The following AGMO variants were observed in gnomAD, a reference collection of about 807,000 sequenced individuals.
AGMO encodes the protein glyceryl-ether monooxygenase.
A neutral mutation model predicts 60.2 loss-of-function variants in AGMO; 75 were observed. The observed-to-expected ratio is 1.25, with a 90% confidence interval of 1.03 to 1.51. AGMO has a LOEUF of 1.51. Ranked by LOEUF, AGMO falls within the 40% of genes most tolerant of loss-of-function variation. The probability of loss-of-function intolerance (pLI) is 0.00; values close to 1 mark genes in which losing one functional copy is unlikely to be tolerated. For synonymous variants in AGMO, 261 were observed against 177.1 expected, an observed-to-expected ratio of 1.47 and a Z score of -3.76; for missense variants, 763 against 525.5, an observed-to-expected ratio of 1.45 and a Z score of -4.42.
At chr7:15,210,476 C>G (rs1044317727) in intron 12 of AGMO, among the ~76,000 whole-genome samples, 2 of 152,030 alleles carry the variant, frequency 1.3e-5, no homozygotes, top group African/African-American at 2.4e-5. Flanking sequence ...TATTTGGAAA[C>G]TGAAATTTTA....
At chr7:15,146,575 T>C in the AGMO span, among the ~76,000 whole-genome samples, 1 of 152,156 alleles carries the variant, frequency 6.6e-6, no homozygotes, top group Admixed American at 6.5e-5. Context: ...TAATTATGTA[T>C]GTTAGTTGTC....
rs1186632664 is a variant in AGMO at position 15,354,379 on chromosome 7, T to TATAGACGTGTGTATATAGACGTGTGTAC, written c.1263+11134_1263+11135insGTACACACGTCTATATACACACGTCTAT. Among the ~76,000 whole-genome samples, 20 of 54,396 alleles carry TATAGACGTGTGTATATAGACGTGTGTAC rather than the reference T, an allele frequency of 3.7e-4. 4 individuals carry two copies. The highest frequency in any genetic ancestry group is 2.6e-3 in the African/African-American group (20 of 7,744). The allele number at this position is 54,396 out of a possible 152,430, so 35.7% of individuals were successfully genotyped here. On this transcript the variant is annotated intron_variant, in intron 12 of 12. Coordinates refer to ENST00000342526, the MANE Select transcript of AGMO (RefSeq NM_001004320.2). ...AGACGTGTGTATATAGACGTGTGTATACACGTGTGTGTATACACGTGTGTG... is the reference window on the plus strand; with the variant it reads ...AGACGTGTGTATATAGACGTGTGTATATAGACGTGTGTATATAGACGTGTGTACACACGTGTGTGTATACACGTGTGTG...
At chr7:15,330,172 C>G (rs1044556884) in intron 12 of AGMO, among the ~76,000 whole-genome samples, 1 of 152,044 alleles carries the variant, frequency 6.6e-6, no homozygotes, top group Admixed American at 6.6e-5. Context: ...CCAGGATAAG[C>G]TGAATAATTT....
chr7:15,352,975 G>C (rs1341700503), intron 12 of AGMO, among the ~76,000 whole-genome samples: 1 of 152,076 alleles, frequency 6.6e-6, no homozygotes, highest in East Asian at 1.9e-4. Flanking sequence ...ACTGCATGGG[G>C]AGTGTCGGAT....
chr7:15,378,204 T>G (rs778290174), intron 10 of AGMO, among the ~76,000 whole-genome samples: 5 of 152,032 alleles, frequency 3.3e-5, no homozygotes, highest in African/African-American at 7.2e-5. Flanking sequence ...GCTTTTTATT[T>G]TAAAAAATTA....
the AGMO span, among the ~76,000 whole-genome samples, chr7:15,121,470 C>T: frequency 1.2e-4 from 19 of 152,186 alleles, no homozygotes; most frequent in African/African-American, 4.1e-4. Context: ...TCTCCACATC[C>T]TCTCTAGCAT....
At chr7:15,285,238 C>G (rs1257582480) in intron 12 of AGMO, among the ~76,000 whole-genome samples, 2 of 151,436 alleles carry the variant, frequency 1.3e-5, no homozygotes, top group East Asian at 3.9e-4. Flanking sequence ...AACAATCAGA[C>G]AGGAGAAAGA....
intron 12 of AGMO, among the ~76,000 whole-genome samples, chr7:15,345,067 G>C (rs1455061145): frequency 6.6e-6 from 1 of 152,100 alleles, no homozygotes; most frequent in Non-Finnish European, 1.5e-5. Flanking sequence ...AGGTTTTCCT[G>C]TATTATACCT....
intron 12 of AGMO, among the ~76,000 whole-genome samples, chr7:15,308,006 C>G (rs1364689983): frequency 6.6e-6 from 1 of 152,020 alleles, no homozygotes; most frequent in African/African-American, 2.4e-5. Flanking sequence ...TTTCTAAATA[C>G]CTGGAATTTC....
chr7:15,384,854 T>C (rs1004501557), intron 10 of AGMO, among the ~76,000 whole-genome samples: 1 of 151,332 alleles, frequency 6.6e-6, no homozygotes, highest in Non-Finnish European at 1.5e-5. Flanking sequence ...AACATATTTT[T>C]ATATACGTTA....
chr7:15,514,345 T>A (rs1783754082), intron 3 of AGMO, among the ~76,000 whole-genome samples: 1 of 152,170 alleles, frequency 6.6e-6, no homozygotes, highest in Admixed American at 6.6e-5. Flanking sequence ...AGTCACCACA[T>A]ACTTGTTATA....
the AGMO span, among the ~76,000 whole-genome samples, chr7:15,144,850 G>A: frequency 1.3e-5 from 2 of 152,222 alleles, no homozygotes; most frequent in Admixed American, 6.5e-5. Flanking sequence ...TTGTTGTTGA[G>A]ACGGAGTCTC....
chr7:15,246,913 C>A (rs1421535121), intron 12 of AGMO, among the ~76,000 whole-genome samples: 1 of 152,106 alleles, frequency 6.6e-6, no homozygotes, highest in Non-Finnish European at 1.5e-5. Context: ...TTCCATCATT[C>A]CTTCCCGCTC....
At chr7:15,491,681 C>A (rs1783070900) in intron 3 of AGMO, among the ~76,000 whole-genome samples, 1 of 152,180 alleles carries the variant, frequency 6.6e-6, no homozygotes, top group Non-Finnish European at 1.5e-5. Flanking sequence ...ACTGTGAGAA[C>A]ATGGTATTCA....
intron 12 of AGMO, among the ~76,000 whole-genome samples, chr7:15,239,551 A>G (rs1186094907): frequency 1.3e-5 from 2 of 152,124 alleles, no homozygotes; most frequent in African/African-American, 2.4e-5. Flanking sequence ...GGTTCTCTAC[A>G]TTACTTAAAA....
chr7:15,398,298 A>C (rs887550825), intron 5 of AGMO, among the ~76,000 whole-genome samples: 1 of 152,118 alleles, frequency 6.6e-6, no homozygotes, highest in Non-Finnish European at 1.5e-5. Context: ...CAAGCTCTTT[A>C]TTGCGGTGAA....
intron 5 of AGMO, among the ~76,000 whole-genome samples, chr7:15,395,441 AAAC>A (rs1434580144): frequency 6.6e-6 from 1 of 151,692 alleles, no homozygotes; most frequent in Non-Finnish European, 1.5e-5. Flanking sequence ...TATAGGCAAA[AAAC>A]AAAAATTTAT....
intron 12 of AGMO, among the ~76,000 whole-genome samples, chr7:15,346,926 A>G (rs1247600549): frequency 6.6e-6 from 1 of 151,884 alleles, no homozygotes; most frequent in African/African-American, 2.4e-5. Context: ...TGGAAAAACG[A>G]CTCTTTGGAG....
At chr7:15,398,990 T>C (rs963613657) in intron 5 of AGMO, among the ~76,000 whole-genome samples, 1 of 152,178 alleles carries the variant, frequency 6.6e-6, no homozygotes, top group Non-Finnish European at 1.5e-5. Context: ...TTTACAACTT[T>C]AATAGAAAAT....
Sources: allele counts gnomAD v4.1 joint callset (sites outside exome capture counted in the v4.1 genomes callset), GRCh38; gene constraint gnomAD v4.1.1; transcripts MANE v1.5; gene names NCBI Gene and HGNC (gene_info 2026-07-23, HGNC 2026-07-21).